The following CNIH3 variants were observed in gnomAD, a reference collection of about 807,000 sequenced individuals.
CNIH3 encodes the protein protein cornichon homolog 3.
CNIH3 carries 14 observed loss-of-function variants against 24.1 expected under a neutral mutation model. That is an observed-to-expected ratio of 0.58 (90% CI 0.38 to 0.91). The LOEUF (loss-of-function observed/expected upper bound fraction) is 0.91. Ranked by LOEUF, CNIH3 falls within the 40% of genes least tolerant of loss-of-function variation. The probability of loss-of-function intolerance (pLI) is 0.00; values close to 1 mark genes in which losing one functional copy is unlikely to be tolerated. For synonymous variants in CNIH3, 68 were observed against 73.8 expected, an observed-to-expected ratio of 0.92 and a Z score of 0.40; for missense variants, 178 against 196.8, an observed-to-expected ratio of 0.90 and a Z score of 0.57.
intron 2 of CNIH3, among the ~76,000 whole-genome samples, chr1:224,681,859 A>C (rs1686420299): frequency 6.6e-6 from 1 of 152,172 alleles, no homozygotes; most frequent in Non-Finnish European, 1.5e-5. Context: ...AGTTCATTCA[A>C]GTGTGTTTCT....
chr1:224,592,868 G>A (rs1681818582), downstream of CNIH3, among the ~76,000 whole-genome samples: 2 of 152,154 alleles, frequency 1.3e-5, no homozygotes, highest in Admixed American at 1.3e-4. Context: ...ACATCTCCAG[G>A]TGTGGAAGGA....
chr1:224,503,889 G>A (rs1216974898), intron 1 of CNIH3, among the ~76,000 whole-genome samples: 1 of 152,224 alleles, frequency 6.6e-6, no homozygotes, highest in Non-Finnish European at 1.5e-5. Context: ...GAGGCCTCTG[G>A]CCGCTCCAGG....
intron 1 of CNIH3, among the ~76,000 whole-genome samples, chr1:224,679,623 G>C (rs558754381): frequency 2.0e-5 from 3 of 152,238 alleles, no homozygotes; most frequent in Non-Finnish European, 4.4e-5. Context: ...GGCAAGGGAT[G>C]ATATAGAAAT....
intron 1 of CNIH3, among the ~76,000 whole-genome samples, chr1:224,473,053 T>A (rs1470028236): frequency 2.0e-5 from 3 of 152,186 alleles, no homozygotes; most frequent in African/African-American, 7.2e-5. Context: ...TATTTCCTTT[T>A]ACTGTGGATG....
chr1:224,732,467 T>A (rs1689389743), intron 4 of CNIH3, among the ~76,000 whole-genome samples: 1 of 152,192 alleles, frequency 6.6e-6, no homozygotes, highest in African/African-American at 2.4e-5. Context: ...AACAACCAAG[T>A]GAGCTGGGTT....
chr1:224,680,029 G>A lies in CNIH3; in HGVS notation c.82-929G>A, dbSNP rs536639645. 2.0e-5 allele frequency among the ~76,000 whole-genome samples: 3 copies of A among 152,232 alleles called. No individual in the cohort carries two copies. The South Asian group carries it at 6.2e-4, about 32-fold the overall frequency. ...TCACCATGTTGGCCAGGCTGGTCTAGAATTCCTGACTTCAGGTGATCCAAC... is the reference window on the plus strand; with the variant it reads ...TCACCATGTTGGCCAGGCTGGTCTAAAATTCCTGACTTCAGGTGATCCAAC... On this transcript the variant is annotated intron_variant, in intron 1 of 5. Transcript: ENST00000272133.
At chr1:224,720,470 C>T (rs1359587910) in intron 3 of CNIH3, among the ~76,000 whole-genome samples, 3 of 152,034 alleles carry the variant, frequency 2.0e-5, no homozygotes, top group Non-Finnish European at 2.9e-5. Flanking sequence ...GGAGGTGTGG[C>T]CCTGGGGACT....
intron 1 of CNIH3, among the ~76,000 whole-genome samples, chr1:224,666,387 A>C (rs147139377): frequency 6.6e-6 from 1 of 152,296 alleles, no homozygotes; most frequent in African/African-American, 2.4e-5. Context: ...CTGAGTTGAT[A>C]CTGTGGTTGC....
intron 3 of CNIH3, among the ~76,000 whole-genome samples, chr1:224,697,091 C>T (rs1350294035): frequency 6.6e-6 from 1 of 152,124 alleles, no homozygotes; most frequent in East Asian, 1.9e-4. Context: ...TTTCATAATG[C>T]GTGAGCAGGA....
At chr1:224,435,182 CAGA>C (rs1027804687) in intron 1 of CNIH3, 2 of 986,356 alleles carry the variant, frequency 2.0e-6, no homozygotes, top group African/African-American at 3.5e-5. Flanking sequence ...CCATCAGGTG[CAGA>C]AGGTGAGGAT....
intron 2 of CNIH3, among the ~76,000 whole-genome samples, chr1:224,545,867 A>G (rs975480967): frequency 1.3e-5 from 2 of 152,140 alleles, no homozygotes; most frequent in Non-Finnish European, 2.9e-5. Flanking sequence ...TGGCTTCACT[A>G]TAGAAACGGA....
chr1:224,575,652 C>T (rs1215233794), intron 4 of CNIH3, among the ~76,000 whole-genome samples: 1 of 151,938 alleles, frequency 6.6e-6, no homozygotes, highest in Non-Finnish European at 1.5e-5. Flanking sequence ...CAAAATCTAC[C>T]AGGTCAAAAT....
At chr1:224,602,689 A>C (rs1028619580) in intron 3 of CNIH3, among the ~76,000 whole-genome samples, 8 of 152,246 alleles carry the variant, frequency 5.3e-5, no homozygotes, top group African/African-American at 1.7e-4. Context: ...GGGAATGAAT[A>C]GTTCTCAAAG....
chr1:224,491,105 A>G (rs1318061950), intron 1 of CNIH3, among the ~76,000 whole-genome samples: 4 of 152,198 alleles, frequency 2.6e-5, no homozygotes, highest in Non-Finnish European at 5.9e-5. Context: ...TTTGTCCACA[A>G]GTACTCAAAT....
At chr1:224,597,979 C>T (rs528434137) in intron 3 of CNIH3, among the ~76,000 whole-genome samples, 7 of 152,310 alleles carry the variant, frequency 4.6e-5, no homozygotes, top group South Asian at 4.2e-4. Context: ...CGAGAGTCCA[C>T]GGCAGAACTG....
At chr1:224,719,614 AT>A (rs1265645331) in intron 3 of CNIH3, among the ~76,000 whole-genome samples, 1 of 152,238 alleles carries the variant, frequency 6.6e-6, no homozygotes, top group Admixed American at 6.5e-5. Context: ...ATATTAACTC[AT>A]TTAATACTCA....
intron 4 of CNIH3, chr1:224,575,509 G>C (rs984345075): frequency 2.9e-5 from 15 of 516,740 alleles, no homozygotes; most frequent in African/African-American, 1.2e-4. Flanking sequence ...AACCTATAGA[G>C]TGGCCAGCGA....
intron 1 of CNIH3, among the ~76,000 whole-genome samples, chr1:224,476,029 C>G (rs867733494): frequency 6.6e-6 from 1 of 152,004 alleles, no homozygotes; most frequent in Non-Finnish European, 1.5e-5. Context: ...AAAAAGCATT[C>G]GAAAAAATTC....
intron 1 of CNIH3, 50 bp from the exon 2 acceptor site, chr1:224,680,908 T>C: frequency 7.4e-7 from 1 of 1,348,352 alleles, no homozygotes; most frequent in African/African-American, 1.4e-5. Flanking sequence ...TTGGACATGG[T>C]GTGTTGACTC....
Sources: gnomAD v4.1 joint callset for allele counts (sites outside exome capture counted in the v4.1 genomes callset) on GRCh38, gnomAD v4.1.1 for gene constraint, MANE v1.5 for transcripts, NCBI Gene and HGNC (gene_info 2026-07-23, HGNC 2026-07-21) for gene names.